SYCP2: variants seen among roughly 807,000 people sequenced by gnomAD.
SYCP2 encodes synaptonemal complex lateral element protein.
SYCP2 carries 55 observed loss-of-function variants against 211.3 expected under a neutral mutation model. The ratio of observed to expected loss-of-function variants is 0.26; its 90% CI spans 0.21 to 0.33. The LOEUF (loss-of-function observed/expected upper bound fraction) is 0.33. Among genes scored for constraint, SYCP2 ranks in the 10% least tolerant of loss-of-function variants. SYCP2 has a pLI of 1.00. For missense variants in SYCP2, 1,731 were observed against 1,752.0 expected (o/e 0.99, Z 0.21); for synonymous variants, 570 against 555.2 (o/e 1.03, Z -0.37).
At chr20:59,868,981 T>C (rs1417628352) in intron 36 of SYCP2, 56 bp from the exon 37 acceptor site, 1 of 1,281,888 alleles carries the variant, frequency 7.8e-7, no homozygotes, top group African/African-American at 1.5e-5. Context: ...TCAATTCACA[T>C]TTTATCACCT....
chr20:59,867,974 A>T, intron 38 of SYCP2, 127 bp from the exon 39 acceptor site: 1 of 663,984 alleles, frequency 1.5e-6, no homozygotes. Flanking sequence ...TTATGAAATC[A>T]AAGGCAGAAG....
chr20:59,920,618 T>C, intron 4 of SYCP2, 131 bp from the exon 5 acceptor site: 1 of 722,988 alleles, frequency 1.4e-6, no homozygotes, highest in Non-Finnish European at 2.2e-6. Context: ...ATCATCTCTA[T>C]ATTGCAACAG....
At chr20:59,925,723 T>G (rs971703658) in intron 2 of SYCP2, among the ~76,000 whole-genome samples, 2 of 152,046 alleles carry the variant, frequency 1.3e-5, no homozygotes, top group Non-Finnish European at 2.9e-5. Context: ...GATTCCTAAA[T>G]GTTTTAAATA....
intron 36 of SYCP2, among the ~76,000 whole-genome samples, chr20:59,869,147 T>C (rs1568904392): frequency 6.6e-6 from 1 of 151,770 alleles, no homozygotes; most frequent in Non-Finnish European, 1.5e-5. Context: ...AGCTACTTTT[T>C]TTTCTATTCC....
intron 18 of SYCP2, among the ~76,000 whole-genome samples, chr20:59,897,303 TAAA>T (rs1219462023): frequency 2.0e-5 from 3 of 152,066 alleles, no homozygotes. Flanking sequence ...AAGGATAAGA[TAAA>T]AGAAAATTCT....
intron 24 of SYCP2, 30 bp from the exon 25 acceptor site, chr20:59,886,864 T>C (rs1316415694): frequency 1.3e-6 from 2 of 1,517,480 alleles, no homozygotes; most frequent in African/African-American, 2.8e-5. Flanking sequence ...ACTTTTAAAC[T>C]CTACCAGTTA....
At chr20:59,870,077 G>T in intron 35 of SYCP2, 94 bp from the exon 36 acceptor site, 1 of 689,610 alleles carries the variant, frequency 1.5e-6, no homozygotes, top group Non-Finnish European at 2.3e-6. Context: ...AAACATTAAA[G>T]CAAAACTGCA....
At chr20:59,920,182 T>A (rs932941166) in intron 5 of SYCP2, among the ~76,000 whole-genome samples, 177 bp downstream of exon 5, 1 of 151,796 alleles carries the variant, frequency 6.6e-6, no homozygotes, top group Admixed American at 6.6e-5. Flanking sequence ...TCTGTCTTTG[T>A]ACAGTTTGTG....
chr20:59,915,136 A>T, intron 10 of SYCP2, 29 bp downstream of exon 10: 1 of 1,404,966 alleles, frequency 7.1e-7, no homozygotes, highest in Non-Finnish European at 1.0e-6. Flanking sequence ...AATATGGAAT[A>T]ATTTTAGATT....
chr20:59,906,399 C>T (rs1174367778), intron 15 of SYCP2, among the ~76,000 whole-genome samples: 4 of 152,010 alleles, frequency 2.6e-5, no homozygotes, highest in Admixed American at 1.3e-4. Flanking sequence ...AATAGACACA[C>T]TATTACAGAG....
chr20:59,877,954 T>C (rs2059593164), intron 32 of SYCP2, 54 bp downstream of exon 32: 1 of 1,369,708 alleles, frequency 7.3e-7, no homozygotes, highest in Non-Finnish European at 1.0e-6. Context: ...TATTTTTATA[T>C]GGCAAGAAAA....
chr20:59,911,948 G>T, intron 13 of SYCP2, 103 bp from the exon 14 acceptor site: 1 of 479,606 alleles, frequency 2.1e-6, no homozygotes. Flanking sequence ...AAAGCTAGAA[G>T]GAGAGAGAAG....
At chr20:59,879,818 AATAAAT>A (rs1356827355) in intron 31 of SYCP2, among the ~76,000 whole-genome samples, 265 of 125,628 alleles carry the variant, frequency 2.1e-3, no homozygotes, top group African/African-American at 3.7e-3. Flanking sequence ...AGTAAATATA[AATAAAT>A]ATATATATAT....
At chr20:59,881,767 A>T (rs558984921) in intron 28 of SYCP2, among the ~76,000 whole-genome samples, 178 bp downstream of exon 28, 44 of 136,474 alleles carry the variant, frequency 3.2e-4, no homozygotes, top group Middle Eastern at 4.0e-3. Context: ...ACAAAAATTT[A>T]AAAAAAAAAA....
rs1600948625 is a variant in SYCP2 at position 59,911,680 on chromosome 20, A to G, written c.972+70T>C. ...GGCTAGAACATATAAAGAAATCCAC[A>G]TTCTTAAAGTAAGTAAAAATCTTAT... is the stretch of plus-strand genomic sequence containing the variant. On this transcript the variant is annotated intron_variant, in intron 14 of 44. Coordinates refer to ENST00000357552, the MANE Select transcript of SYCP2 (RefSeq NM_014258.4). The G allele has an allele frequency of 5.6e-5, 35 of 623,244 alleles. No homozygotes were observed. The East Asian group carries it at 1.1e-3, about 20-fold the overall frequency. 38.6% of individuals were successfully genotyped at this position (623,244 alleles called of 1,614,324 possible). A position where few individuals can be genotyped will look rare whatever the true frequency, so the allele number is the denominator to read the frequency against.
In SYCP2 at chr20:59,892,319, G is replaced by A. The variant is rs765546364; in HGVS notation, c.2035C>T (p.His679Tyr). 2.0e-5 allele frequency: 33 copies of A among 1,610,030 alleles called. No homozygotes were observed. In the Middle Eastern group the frequency reaches 5.0e-4, roughly 24 times the overall value. Reference protein sequence around the residue: ...KVKYKKEQTDHIKIDKAEVEV... With the variant: ...KVKYKKEQTDYIKIDKAEVEV... ...ACTTCTGCTTTATCTATTTTGATAT[G>A]GTCGGTTTGTTCTTTCTTATATTTC... The change falls in exon 24 of 45, where the codon CAT (histidine) becomes TAT (tyrosine). Residue 679 changes from histidine (H) to tyrosine (Y), a missense_variant. By Grantham distance (83) the His-to-Tyr change is moderately conservative (BLOSUM62 2). Around this residue, in one of 3 missense-constraint regions of SYCP2, gnomAD observed 1,387 missense variants for 1,351.3 expected, o/e 1.03. Coordinates refer to ENST00000357552, the MANE Select transcript of SYCP2 (RefSeq NM_014258.4).
intron 33 of SYCP2, among the ~76,000 whole-genome samples, chr20:59,876,589 T>TC (rs919102779): frequency 1.3e-4 from 19 of 151,684 alleles, no homozygotes; most frequent in African/African-American, 4.6e-4. Context: ...ACCTACCACT[T>TC]CCTAGTTGTG....
intron 1 of SYCP2, chr20:59,933,148 C>G (rs930357738): frequency 6.5e-6 from 1 of 152,674 alleles, no homozygotes; most frequent in South Asian, 2.1e-4. Context: ...CTCCCGCACC[C>G]CTCAGCCTCC....
intron 2 of SYCP2, among the ~76,000 whole-genome samples, chr20:59,930,222 A>C (rs1323780651): frequency 3.9e-5 from 6 of 152,138 alleles, no homozygotes; most frequent in Non-Finnish European, 5.9e-5. Flanking sequence ...AATTAATTAC[A>C]CTATTCTGCT....
Sources: gnomAD v4.1 joint callset for allele counts (sites outside exome capture counted in the v4.1 genomes callset) on GRCh38, gnomAD v4.1.1 for gene constraint, gnomAD v4.1.1 regional missense constraint, MANE v1.5 for transcripts, NCBI Gene and HGNC (gene_info 2026-07-23, HGNC 2026-07-21) for gene names.